RXRA: variants seen among roughly 807,000 people sequenced by gnomAD.
RXRA encodes retinoid X receptor alpha.
Under a neutral mutation model 44.5 loss-of-function variants are expected in RXRA, and 5 were observed. That is an observed-to-expected ratio of 0.11 (90% CI 0.06 to 0.24). The LOEUF (loss-of-function observed/expected upper bound fraction) is 0.24. RXRA is among the 10% of genes least tolerant of loss of function. The probability of loss-of-function intolerance (pLI) is 1.00; values close to 1 mark genes in which losing one functional copy is unlikely to be tolerated. For synonymous variants in RXRA, 291 were observed against 271.4 expected, an observed-to-expected ratio of 1.07 and a Z score of -0.71; for missense variants, 412 against 646.5, an observed-to-expected ratio of 0.64 and a Z score of 3.93.
chr9:134,327,003 G>C (rs1444064505), intron 1 of RXRA, among the ~76,000 whole-genome samples: 1 of 151,684 alleles, frequency 6.6e-6, no homozygotes, highest in East Asian at 2.0e-4. Context: ...GCCGGAGCGG[G>C]AGGAGCAACT....
chr9:134,434,285 T>A (rs1831580133), intron 9 of RXRA, 78 bp downstream of exon 9: 2 of 1,062,206 alleles, frequency 1.9e-6, no homozygotes, highest in South Asian at 2.7e-5. Flanking sequence ...CAAGGCCATT[T>A]TATGTGAATG....
chr9:134,429,096 C>T lies in RXRA; in HGVS notation c.911-12C>T, dbSNP rs766893700. Reference sequence around the variant, plus strand: ...CTGGAGACAGCTGAGTGACTGTGTGCCTCCTCCCCAGGCTGGAATGAGCTG... The same window carrying T: ...CTGGAGACAGCTGAGTGACTGTGTGTCTCCTCCCCAGGCTGGAATGAGCTG... On this transcript the variant is annotated splice_polypyrimidine_tract_variant and intron_variant, in intron 6 of 9. Coordinates refer to ENST00000481739, the MANE Select transcript of RXRA (RefSeq NM_002957.6). 17 of 1,612,552 alleles carry T rather than the reference C, an allele frequency of 1.1e-5. No individual in the cohort carries two copies. Among genetic ancestry groups the T allele is most frequent in the Non-Finnish European group, 1.4e-5 (16 of 1,179,814 alleles).
intron 1 of RXRA, among the ~76,000 whole-genome samples, chr9:134,335,110 A>T (rs1346606144): frequency 1.3e-5 from 2 of 152,156 alleles, no homozygotes; most frequent in East Asian, 3.9e-4. Context: ...GATGGAGGCC[A>T]GGCCTCCACC....
At chr9:134,429,848 AG>A (rs1330952806) in intron 7 of RXRA, among the ~76,000 whole-genome samples, 1 of 151,044 alleles carries the variant, frequency 6.6e-6, no homozygotes, top group Non-Finnish European at 1.5e-5. Context: ...CCGCTCTGCC[AG>A]GCGAGGCGGA....
At chr9:134,428,960 T>TAAAA (rs1332720421) in intron 6 of RXRA, 148 bp from the exon 7 acceptor site, 3 of 938,532 alleles carry the variant, frequency 3.2e-6, no homozygotes, top group Non-Finnish European at 4.8e-6. Flanking sequence ...ACCTCTTTTC[T>TAAAA]GTGGAACACT....
intron 7 of RXRA, among the ~76,000 whole-genome samples, chr9:134,429,888 C>T (rs573426270): frequency 6.6e-6 from 1 of 152,096 alleles, no homozygotes; most frequent in African/African-American, 2.4e-5. Context: ...TGTCTCTGCA[C>T]AGCCTTTTTT....
At chr9:134,337,897 C>T (rs1186916419) in intron 1 of RXRA, among the ~76,000 whole-genome samples, 2 of 152,120 alleles carry the variant, frequency 1.3e-5, no homozygotes, top group Non-Finnish European at 2.9e-5. Flanking sequence ...AGGCGGGTTT[C>T]GTTCAGTTCA....
At chr9:134,351,856 G>A (rs1830225816) in intron 1 of RXRA, among the ~76,000 whole-genome samples, 1 of 152,254 alleles carries the variant, frequency 6.6e-6, no homozygotes, top group African/African-American at 2.4e-5. Flanking sequence ...AGGCCACGCA[G>A]CAGCTGCGGC....
At position 134,422,790 on chromosome 9, in the gene RXRA, CT is replaced by C. The variant is rs1342229152; in HGVS notation, c.910+986del. The C allele has an allele frequency of 3.0e-6, 3 of 985,364 alleles. No individual in the cohort carries two copies. In the African/African-American group the frequency reaches 5.2e-5, roughly 17 times the overall value. 61.0% of individuals were successfully genotyped at this position (985,364 alleles called of 1,614,324 possible). A position where few individuals can be genotyped will look rare whatever the true frequency, so the allele number is the denominator to read the frequency against. ...TAAGGAGGTGTACCATGCGGGGTCT[CT>C]CAGTGGCCTTCAGAGAGGTAATGGG... On this transcript the variant is annotated intron_variant, in intron 6 of 9. Coordinates refer to ENST00000481739, the MANE Select transcript of RXRA (RefSeq NM_002957.6).
intron 1 of RXRA, among the ~76,000 whole-genome samples, chr9:134,339,229 T>A (rs1830051984): frequency 6.6e-6 from 1 of 152,240 alleles, no homozygotes; most frequent in African/African-American, 2.4e-5. Flanking sequence ...CTGAGGTGGC[T>A]GGCATGGCGC....
At position 134,335,927 on chromosome 9, in the gene RXRA, G is replaced by A. The variant is rs368401687; in HGVS notation, c.28+9268G>A. 5.3e-5 allele frequency among the ~76,000 whole-genome samples: 8 copies of A among 152,280 alleles called. No individual in the cohort carries two copies. In the East Asian group the frequency reaches 1.4e-3, roughly 26 times the overall value. ...TGGGCAGCTTAGGCGCCATTTGCCC[G>A]GGAGCCCCCTGTGTGAGTGCAAGGC... is the stretch of plus-strand genomic sequence containing the variant. On this transcript the variant is annotated intron_variant, in intron 1 of 9. Coordinates refer to ENST00000481739, the MANE Select transcript of RXRA (RefSeq NM_002957.6).
At chr9:134,401,266 T>C in intron 1 of RXRA, 1 of 334,392 alleles carries the variant, frequency 3.0e-6, no homozygotes, top group South Asian at 2.9e-5. Flanking sequence ...AGGGGCTGAC[T>C]AGTCCCGGCC....
intron 1 of RXRA, among the ~76,000 whole-genome samples, chr9:134,382,500 G>C (rs1242733564): frequency 6.6e-6 from 1 of 152,188 alleles, no homozygotes; most frequent in Non-Finnish European, 1.5e-5. Context: ...CCTGGCTGCT[G>C]TCTTGGCTTT....
chr9:134,352,160 C>T (rs1425111236), intron 1 of RXRA, among the ~76,000 whole-genome samples: 1 of 152,110 alleles, frequency 6.6e-6, no homozygotes, highest in Non-Finnish European at 1.5e-5. Context: ...ATGAGGATGA[C>T]AGCGCGGCCC....
Position 134,366,711 on chromosome 9 carries a change from C to T in RXRA, c.29-34921C>T, listed in dbSNP as rs552102288. Among the ~76,000 whole-genome samples the T allele has an allele frequency of 6.6e-5, 10 of 152,312 alleles. No individual in the cohort carries two copies. The highest frequency in any genetic ancestry group is 1.0e-4 in the Non-Finnish European group (7 of 68,024). On this transcript the variant is annotated intron_variant, in intron 1 of 9. Transcript: ENST00000481739. This position sits in a 1 kb window ranked among gnomAD's most constrained non-coding sequence, Gnocchi z 5.9. ...TCTTCCTGCCTCAGAAGCTGAACCC[C>T]GGGGACAGTGTTGGTCAGAAAAGCC...
chr9:134,379,387 G>A, intron 1 of RXRA: 1 of 987,582 alleles, frequency 1.0e-6, no homozygotes, highest in African/African-American at 1.7e-5. Context: ...GTGGTGAGCT[G>A]CTTCTGGGGC....
At chr9:134,381,287 A>G (rs62573103) in intron 1 of RXRA, among the ~76,000 whole-genome samples, 150,565 of 152,252 alleles carry the variant, frequency 0.99, 74,513 homozygotes, top group Middle Eastern at 1. Flanking sequence ...CCAGGGATGC[A>G]GCTGGCCTCA....
chr9:134,339,935 G>A (rs1378074463), intron 1 of RXRA, among the ~76,000 whole-genome samples: 2 of 152,124 alleles, frequency 1.3e-5, no homozygotes, highest in African/African-American at 4.8e-5. Flanking sequence ...ATGTGAGTGT[G>A]CACGCCTGTG....
intron 1 of RXRA, among the ~76,000 whole-genome samples, chr9:134,347,170 G>A (rs991334800): frequency 2.6e-5 from 4 of 152,170 alleles, no homozygotes; most frequent in Admixed American, 1.3e-4. Flanking sequence ...GCAGGCAGGT[G>A]GGGTTGGGGT....
Sources: allele counts gnomAD v4.1 joint callset (sites outside exome capture counted in the v4.1 genomes callset), GRCh38; gene constraint gnomAD v4.1.1; non-coding constraint Gnocchi (gnomAD v3.1); transcripts MANE v1.5; gene names NCBI Gene and HGNC (gene_info 2026-07-23, HGNC 2026-07-21).